LTBP1: variants seen among roughly 807,000 people sequenced by gnomAD.
The protein encoded by LTBP1 is latent-transforming growth factor beta-binding protein 1.
A neutral mutation model predicts 207.6 loss-of-function variants in LTBP1; 129 were observed. The ratio of observed to expected loss-of-function variants is 0.62; its 90% CI spans 0.54 to 0.72. The LOEUF is 0.72. LTBP1 is among the 30% of genes least tolerant of loss of function. The pLI, the probability that LTBP1 is intolerant of heterozygous loss-of-function variation, is 0.00. For missense variants in LTBP1, 2,281 were observed against 2,217.2 expected, an observed-to-expected ratio of 1.03 and a Z score of -0.58; for synonymous variants, 963 against 833.7, an observed-to-expected ratio of 1.16 and a Z score of -2.67.
chr2:33,104,782 T>G (rs2079958934), intron 3 of LTBP1, among the ~76,000 whole-genome samples: 2 of 152,132 alleles, frequency 1.3e-5, no homozygotes, highest in Non-Finnish European at 2.9e-5. Flanking sequence ...TAACCTCTCC[T>G]TAGAGATCCA....
intron 2 of LTBP1, among the ~76,000 whole-genome samples, chr2:33,020,660 C>G (rs1371538878): frequency 6.6e-6 from 1 of 152,098 alleles, no homozygotes; most frequent in Non-Finnish European, 1.5e-5. Context: ...AATAAAATAT[C>G]TACAAAACAC....
chr2:33,004,551 T>G (rs950743246), intron 2 of LTBP1, among the ~76,000 whole-genome samples: 20 of 151,618 alleles, frequency 1.3e-4, no homozygotes, highest in African/African-American at 4.8e-4. Flanking sequence ...TCTCAGCACT[T>G]TGGGAGGCTC....
At chr2:33,334,805 T>C (rs1024916972) in intron 24 of LTBP1, among the ~76,000 whole-genome samples, 1 of 151,720 alleles carries the variant, frequency 6.6e-6, no homozygotes, top group Non-Finnish European at 1.5e-5. Flanking sequence ...GCATGGTGGC[T>C]CATATCTGTA....
At chr2:32,959,541 G>GTA (rs1553344451) in intron 2 of LTBP1, among the ~76,000 whole-genome samples, 93 of 113,806 alleles carry the variant, frequency 8.2e-4, no homozygotes, top group African/African-American at 2.5e-3. Flanking sequence ...TATTATTGCT[G>GTA]TATATATATG....
At chr2:33,352,270 T>C (rs562808956) in intron 26 of LTBP1, among the ~76,000 whole-genome samples, 1 of 152,200 alleles carries the variant, frequency 6.6e-6, no homozygotes, top group East Asian at 1.9e-4. Context: ...TAGCTGGGAT[T>C]ATAGGAGCAT....
rs138047478 is a variant in LTBP1 at position 33,102,664 on chromosome 2, C to G, written c.864-7918C>G. ...CATTTTCCTGACTTTGTGTTTGCTC[C>G]TTTCATTTTACTTTTGCTGTGTTTT... On this transcript the variant is annotated intron_variant, in intron 3 of 33. Coordinates refer to ENST00000404816, the MANE Select transcript of LTBP1 (RefSeq NM_206943.4). 8.0e-3 allele frequency among the ~76,000 whole-genome samples: 1,222 copies of G among 152,126 alleles called. 11 individuals carry two copies. Among genetic ancestry groups the G allele is most frequent in the Middle Eastern group, 0.01 (3 of 294 alleles).
intron 3 of LTBP1, among the ~76,000 whole-genome samples, chr2:33,091,091 C>T (rs1272924124): frequency 6.6e-6 from 1 of 152,142 alleles, no homozygotes; most frequent in Non-Finnish European, 1.5e-5. Context: ...TTTTGTGGAG[C>T]CTCCCTGTCC....
chr2:33,242,574 T>TTC (rs2092366639), intron 9 of LTBP1, among the ~76,000 whole-genome samples: 1 of 151,856 alleles, frequency 6.6e-6, no homozygotes, highest in Non-Finnish European at 1.5e-5. Context: ...CAGCTGTGAT[T>TTC]TTTTTTTCCT....
chr2:33,387,925 GGTCCTGGGGCCT>G (rs1453366518), intron 31 of LTBP1, among the ~76,000 whole-genome samples: 1 of 152,156 alleles, frequency 6.6e-6, no homozygotes, highest in Admixed American at 6.5e-5. Context: ...ATGTCCATCT[GGTCCTGGGGCCT>G]GTAGCCTGCC....
At chr2:33,175,555 G>A (rs546630894) in intron 5 of LTBP1, among the ~76,000 whole-genome samples, 1 of 152,310 alleles carries the variant, frequency 6.6e-6, no homozygotes, top group South Asian at 2.1e-4. Context: ...CACTGTTGGT[G>A]GGACTGTAAA....
rs1417767496 is a variant in LTBP1 at position 33,345,719 on chromosome 2, A to G, written c.3857-1648A>G. On this transcript the variant is annotated intron_variant, in intron 25 of 33. Transcript: ENST00000404816. ...TCAAGATGTATAAGCTTTTTGTCCA[A>G]TTAACTGGGTATACCAGGTGAAAGG... Among the ~76,000 whole-genome samples the G allele has an allele frequency of 2.6e-5, 4 of 152,184 alleles. No individual in the cohort carries two copies. The East Asian group carries it at 5.8e-4, about 22-fold the overall frequency.
chr2:33,166,380 A>T (rs2084921595), intron 5 of LTBP1, among the ~76,000 whole-genome samples: 1 of 152,188 alleles, frequency 6.6e-6, no homozygotes, highest in Non-Finnish European at 1.5e-5. Context: ...TTCTCTGATG[A>T]TACTTGGTTT....
chr2:33,198,772 A>G (rs1159371960), intron 7 of LTBP1, among the ~76,000 whole-genome samples: 4 of 152,088 alleles, frequency 2.6e-5, no homozygotes, highest in South Asian at 2.1e-4. Flanking sequence ...TATTGCGTCT[A>G]TTTGATTCTC....
intron 7 of LTBP1, 100 bp downstream of exon 7, chr2:33,188,951 G>C: frequency 7.4e-7 from 1 of 1,358,634 alleles, no homozygotes. Context: ...TTAAAAAAAA[G>C]GCTTTGACAA....
chr2:33,286,016 T>C (rs1349010883), intron 19 of LTBP1: 1 of 152,190 alleles, frequency 6.6e-6, no homozygotes, highest in African/African-American at 2.4e-5. Flanking sequence ...CTATTTCCAT[T>C]CCTGTACTTT....
chr2:33,079,343 A>T (rs1292725922), intron 3 of LTBP1, among the ~76,000 whole-genome samples: 1 of 152,170 alleles, frequency 6.6e-6, no homozygotes, highest in African/African-American at 2.4e-5. Context: ...ACACATGGGG[A>T]TGGAAGAAGC....
At chr2:33,270,589 C>CAAAAAAAA (rs397961095) in intron 15 of LTBP1, among the ~76,000 whole-genome samples, 2 of 75,346 alleles carry the variant, frequency 2.7e-5, no homozygotes, top group Non-Finnish European at 4.8e-5. Context: ...GACTCCGTCT[C>CAAAAAAAA]AAAAAAAAAA....
chr2:33,195,891 C>T (rs893540225), intron 7 of LTBP1, among the ~76,000 whole-genome samples: 2 of 152,114 alleles, frequency 1.3e-5, no homozygotes, highest in African/African-American at 4.8e-5. Flanking sequence ...TCAGGAACCC[C>T]CATCCTGATT....
At position 33,342,966 on chromosome 2, in the gene LTBP1, G is replaced by C. The variant is rs771194610; in HGVS notation, c.3856+3G>C. ...ACAGGATGGGCAAGGGTGTGTGGGT[G>C]AGTTTTTAGATTTTTTCCCAACGTG... On this transcript the variant is annotated splice_donor_region_variant and intron_variant, in intron 25 of 33. Transcript: ENST00000404816. 39 of 1,607,232 alleles carry C rather than the reference G, an allele frequency of 2.4e-5. No individual in the cohort carries two copies. In the South Asian group the frequency reaches 4.3e-4, roughly 18 times the overall value.
Sources: gnomAD v4.1 joint callset for allele counts (sites outside exome capture counted in the v4.1 genomes callset) on GRCh38, gnomAD v4.1.1 for gene constraint, MANE v1.5 for transcripts, NCBI Gene and HGNC (gene_info 2026-07-23, HGNC 2026-07-21) for gene names.